Variants in STAU2 observed in about 807,000 individuals in gnomAD.
STAU2 encodes double-stranded RNA-binding protein Staufen homolog 2.
Under a neutral mutation model 65.9 loss-of-function variants are expected in STAU2, and 20 were observed. The observed-to-expected ratio is 0.30, with a 90% confidence interval of 0.21 to 0.44. The LOEUF (loss-of-function observed/expected upper bound fraction) is 0.44, where lower values mean the gene tolerates loss of function less well. Among genes scored for constraint, STAU2 ranks in the 20% least tolerant of loss-of-function variants. The pLI is 1.00. For synonymous variants in STAU2, 232 were observed against 233.9 expected, an observed-to-expected ratio of 0.99 and a Z score of 0.07; for missense variants, 558 against 683.9, an observed-to-expected ratio of 0.82 and a Z score of 2.05.
Position 73,739,870 on chromosome 8 carries a change from T to C in STAU2, c.-196-2A>G, listed in dbSNP as rs928295103. On this transcript the variant is annotated splice_acceptor_variant, in intron 1 of 14. Coordinates refer to ENST00000524300, the MANE Select transcript of STAU2 (RefSeq NM_001164380.2). LOFTEE classifies it low-confidence loss of function (5UTR_SPLICE). The stretch of plus-strand genomic sequence containing the variant: ...TAAAGTCCTTGTGGTAGGCAGCCTC[T>C]AACAAATAGAATATAGCAGAAATAA... 2.0e-5 allele frequency: 21 copies of C among 1,034,460 alleles called. No homozygotes were observed. The African/African-American group carries it at 3.3e-4, about 16-fold the overall frequency. 64.1% of individuals were successfully genotyped at this position (1,034,460 alleles called of 1,614,324 possible).
intron 13 of STAU2, among the ~76,000 whole-genome samples, chr8:73,525,142 T>C (rs180788860): frequency 3.3e-5 from 5 of 152,322 alleles, no homozygotes; most frequent in Admixed American, 3.3e-4. Flanking sequence ...TTCCAGTCAT[T>C]TATTCATCTA....
At chr8:73,729,788 CTG>C (rs1268384967) in intron 3 of STAU2, among the ~76,000 whole-genome samples, 2 of 152,170 alleles carry the variant, frequency 1.3e-5, no homozygotes, top group African/African-American at 4.8e-5. Flanking sequence ...ATTTCTAAAA[CTG>C]TGTCCATTTC....
Position 73,603,842 on chromosome 8 carries a change from CT to C in STAU2, c.912del (p.Met306Ter). ...TIVKAGPEYG[Q>X]GMNPISRLAQ... Reference sequence around the variant, plus strand: ...GCCAGGCGGCTAATAGGGTTCATCCCTTGGCCATATTCTGGTCCGGCCTAAA... The same window carrying C: ...GCCAGGCGGCTAATAGGGTTCATCCCTGGCCATATTCTGGTCCGGCCTAAA... On this transcript the variant is annotated frameshift_variant, in exon 10 of 15. Transcript: ENST00000524300. LOFTEE classifies it high-confidence loss of function. 6.2e-7 allele frequency: 1 copy of C among 1,610,062 alleles called. No homozygotes were observed. The highest frequency in any genetic ancestry group is 8.5e-7 in the Non-Finnish European group (1 of 1,179,172).
At chr8:73,688,871 G>T in intron 4 of STAU2, 58 bp from the exon 5 acceptor site, 2 of 1,574,434 alleles carry the variant, frequency 1.3e-6, no homozygotes, top group African/African-American at 1.4e-5. Flanking sequence ...AAATAAAATT[G>T]GCTGTCTGAG....
chr8:73,423,675 GCTGA>G (rs1362279777), intron 13 of STAU2, among the ~76,000 whole-genome samples: 2 of 152,178 alleles, frequency 1.3e-5, no homozygotes, highest in Non-Finnish European at 2.9e-5. Context: ...CTTTAGGGTA[GCTGA>G]CTAAGTGCAT....
In STAU2 at chr8:73,686,195, A is replaced by G. The variant is rs556301578; in HGVS notation, c.274+2459T>C. On this transcript the variant is annotated intron_variant, in intron 5 of 14. Coordinates refer to ENST00000524300, the MANE Select transcript of STAU2 (RefSeq NM_001164380.2). ...TTTGGGAGGCCAAAGCAGATGGATC[A>G]CGAAGTCAGGAGATGGAGACCATCC... 2.0e-5 allele frequency among the ~76,000 whole-genome samples: 3 copies of G among 152,328 alleles called. No individual in the cohort carries two copies. The South Asian group carries it at 6.2e-4, about 32-fold the overall frequency.
At chr8:73,493,191 A>C (rs1405069509) in intron 13 of STAU2, among the ~76,000 whole-genome samples, 1 of 151,878 alleles carries the variant, frequency 6.6e-6, no homozygotes, top group Non-Finnish European at 1.5e-5. Flanking sequence ...TTTAGATGAA[A>C]TCAAAAGAGA....
At chr8:73,423,822 T>C (rs1035591697) in intron 13 of STAU2, among the ~76,000 whole-genome samples, 1 of 152,216 alleles carries the variant, frequency 6.6e-6, no homozygotes, top group African/African-American at 2.4e-5. Context: ...CTCCCCTAAA[T>C]ACGGTTTCCC....
intron 13 of STAU2, among the ~76,000 whole-genome samples, chr8:73,455,103 C>A (rs1818992510): frequency 6.6e-6 from 1 of 152,076 alleles, no homozygotes; most frequent in Non-Finnish European, 1.5e-5. Context: ...CATGTGCAAC[C>A]CTACCAAAAA....
chr8:73,577,925 T>C (rs1234060309), intron 12 of STAU2, among the ~76,000 whole-genome samples: 1 of 152,238 alleles, frequency 6.6e-6, no homozygotes, highest in Non-Finnish European at 1.5e-5. Flanking sequence ...TATGTGTCCT[T>C]TGCATATATT....
At chr8:73,567,125 G>A (rs1417642688) in intron 12 of STAU2, among the ~76,000 whole-genome samples, 1 of 152,168 alleles carries the variant, frequency 6.6e-6, no homozygotes, top group East Asian at 1.9e-4. Flanking sequence ...TAATACAGTG[G>A]GGAAAAAAGT....
At chr8:73,640,826 T>C (rs1814905510) in intron 6 of STAU2, among the ~76,000 whole-genome samples, 2 of 152,196 alleles carry the variant, frequency 1.3e-5, no homozygotes, top group Admixed American at 6.5e-5. Flanking sequence ...ATCAATAATG[T>C]TGCATTTTTA....
At chr8:73,442,599 A>C (rs1193457187) in intron 13 of STAU2, among the ~76,000 whole-genome samples, 1 of 152,152 alleles carries the variant, frequency 6.6e-6, no homozygotes. Flanking sequence ...CCTGCCAAAT[A>C]CTTTTGGAAA....
In STAU2 at chr8:73,420,564, G is replaced by C. The variant is rs1816320191; in HGVS notation, c.*808C>G. On this transcript the variant is annotated 3_prime_UTR_variant, in exon 15 of 15. Coordinates refer to ENST00000524300, the MANE Select transcript of STAU2 (RefSeq NM_001164380.2). ...AAAAAACACTCTTGATGCAAACCGTGAGTGGCTACAACACACGGATGGGGG... is the reference window on the plus strand; with the variant it reads ...AAAAAACACTCTTGATGCAAACCGTCAGTGGCTACAACACACGGATGGGGG... The C allele has an allele frequency of 4.8e-6, 1 of 207,524 alleles. No homozygotes were observed. 12.9% of individuals were successfully genotyped at this position (207,524 alleles called of 1,614,324 possible).
chr8:73,601,679 G>A (rs996056758), intron 10 of STAU2, among the ~76,000 whole-genome samples: 3 of 152,128 alleles, frequency 2.0e-5, no homozygotes, highest in Admixed American at 6.5e-5. Context: ...AATTCAGTGC[G>A]AAAACATTTA....
intron 12 of STAU2, among the ~76,000 whole-genome samples, chr8:73,574,386 C>T (rs1563432478): frequency 6.6e-6 from 1 of 152,190 alleles, no homozygotes. Context: ...TACCATTTGA[C>T]CCAGCCATCC....
At chr8:73,562,486 TAGAG>T (rs1164326657) in intron 12 of STAU2, among the ~76,000 whole-genome samples, 18 of 151,406 alleles carry the variant, frequency 1.2e-4, no homozygotes, top group Admixed American at 1.1e-3. Flanking sequence ...TTAAAAAAGA[TAGAG>T]AGAGAGAGAG....
chr8:73,642,958 G>T (rs1815102885), intron 6 of STAU2, among the ~76,000 whole-genome samples: 1 of 152,154 alleles, frequency 6.6e-6, no homozygotes, highest in Admixed American at 6.5e-5. Flanking sequence ...AAAAAGCAGG[G>T]CTTTGTAGGG....
chr8:73,708,926 C>A, intron 4 of STAU2, 106 bp downstream of exon 4: 1 of 1,089,032 alleles, frequency 9.2e-7, no homozygotes, highest in Admixed American at 3.6e-5. Flanking sequence ...AGCCTTCAAG[C>A]CATCTGCTGA....
Sources: allele counts gnomAD v4.1 joint callset (sites outside exome capture counted in the v4.1 genomes callset), GRCh38; gene constraint gnomAD v4.1.1; transcripts MANE v1.5; gene names NCBI Gene and HGNC (gene_info 2026-07-23, HGNC 2026-07-21).